Variants in AGTPBP1 observed in about 807,000 individuals in gnomAD.
The protein encoded by AGTPBP1 is ATP/GTP binding carboxypeptidase 1, also known as cytosolic carboxypeptidase 1.
In AGTPBP1, 70 loss-of-function variants were observed where a neutral mutation model predicts 143.9. The ratio of observed to expected loss-of-function variants is 0.49; its 90% CI spans 0.40 to 0.59. The LOEUF is 0.59. Among genes scored for constraint, AGTPBP1 ranks in the 20% least tolerant of loss-of-function variants. AGTPBP1 has a pLI of 0.00. For synonymous variants in AGTPBP1, 463 were observed against 500.2 expected (o/e 0.93, Z 0.99); for missense variants, 1,229 against 1,464.5 (o/e 0.84, Z 2.62).
intron 17 of AGTPBP1, among the ~76,000 whole-genome samples, chr9:85,599,109 G>GC (rs1829488636): frequency 4.5e-5 from 4 of 88,090 alleles, no homozygotes; most frequent in Admixed American, 2.2e-4. Context: ...CCTTGTCACT[G>GC]AACACACACA....
intron 1 of AGTPBP1, among the ~76,000 whole-genome samples, chr9:85,737,055 G>C (rs1012563240): frequency 1.2e-4 from 18 of 152,220 alleles, no homozygotes; most frequent in African/African-American, 4.1e-4. Context: ...GCAGTGAGCA[G>C]AGATTGCACC....
Position 85,586,957 on chromosome 9 carries a change from AT to A in AGTPBP1, c.2906del (p.His969LeufsTer5). ...AATCCTCTCCACTTAAAGAACAGCG[AT>A]GACTACATGTACATAAACACAAAGA... Reference protein sequence around the residue: ...LNPDGVINGNHRCSLSGEDLN... With the variant: ...LNPDGVINGNXRCSLSGEDLN... On this transcript the variant is annotated frameshift_variant and splice_region_variant, in exon 22 of 26. Coordinates refer to ENST00000357081, the MANE Select transcript of AGTPBP1 (RefSeq NM_001330701.2). LOFTEE classifies it high-confidence loss of function. 6.2e-7 allele frequency: 1 copy of A among 1,613,782 alleles called. No homozygotes were observed. The highest frequency in any genetic ancestry group is 8.5e-7 in the Non-Finnish European group (1 of 1,179,782).
At chr9:85,683,595 A>G (rs943319237) in intron 3 of AGTPBP1, among the ~76,000 whole-genome samples, 7 of 152,168 alleles carry the variant, frequency 4.6e-5, no homozygotes, top group Non-Finnish European at 1.0e-4. Flanking sequence ...AAATTCTGCC[A>G]CAATCTTGGG....
intron 17 of AGTPBP1, among the ~76,000 whole-genome samples, chr9:85,605,010 C>T (rs185629733): frequency 1.3e-5 from 2 of 152,086 alleles, no homozygotes; most frequent in East Asian, 1.9e-4. Context: ...CTCAAAAGTA[C>T]AAATTTAAGA....
At chr9:85,604,173 CT>C (rs141100259) in intron 17 of AGTPBP1, among the ~76,000 whole-genome samples, 6,258 of 152,222 alleles carry the variant, frequency 0.041, 446 homozygotes, top group African/African-American at 0.14. Flanking sequence ...GGACCCAGTG[CT>C]ATGCTGGCTT....
At chr9:85,760,185 G>C in the AGTPBP1 span, among the ~76,000 whole-genome samples, 1 of 152,122 alleles carries the variant, frequency 6.6e-6, no homozygotes, top group Non-Finnish European at 1.5e-5. Flanking sequence ...AATTCTACCA[G>C]AGGTACAAGG....
intron 17 of AGTPBP1, among the ~76,000 whole-genome samples, chr9:85,604,870 C>G (rs894236307): frequency 6.6e-6 from 1 of 151,920 alleles, no homozygotes; most frequent in African/African-American, 2.4e-5. Context: ...GTCTCAGCGG[C>G]AGAATTGATC....
In AGTPBP1 at chr9:85,548,684, T is replaced by G. The variant is rs576799537; in HGVS notation, c.3504-1398A>C. On this transcript the variant is annotated intron_variant, in intron 25 of 25. Coordinates refer to ENST00000357081, the MANE Select transcript of AGTPBP1 (RefSeq NM_001330701.2). ...GCTTTGGTTTTTTTTTGTTTTTGTTTTTGTTTTTTGAGACAGAGTCTTTCT... is the reference window on the plus strand; with the variant it reads ...GCTTTGGTTTTTTTTTGTTTTTGTTGTTGTTTTTTGAGACAGAGTCTTTCT... Among the ~76,000 whole-genome samples, 341 of 149,988 alleles carry G rather than the reference T, an allele frequency of 2.3e-3. 1 individual carries two copies. The East Asian group carries it at 0.026, about 11-fold the overall frequency.
Position 85,726,229 on chromosome 9 carries a change from C to CAA in AGTPBP1, c.-33-13665_-33-13664dup, listed in dbSNP as rs142765681. ...TGAGTAACAGAACAAGACTCTGTCT[C>CAA]AAAAAAAAAAAAACAAAAAACAAAA... is the stretch of plus-strand genomic sequence containing the variant. On this transcript the variant is annotated intron_variant, in intron 1 of 25. Coordinates refer to ENST00000357081, the MANE Select transcript of AGTPBP1 (RefSeq NM_001330701.2). Among the ~76,000 whole-genome samples the CAA allele has an allele frequency of 1.2e-3, 150 of 123,004 alleles. 2 individuals carry two copies. In the South Asian group the frequency reaches 0.014, roughly 11 times the overall value. 80.7% of individuals were successfully genotyped at this position (123,004 alleles called of 152,430 possible). A position where few individuals can be genotyped will look rare whatever the true frequency, so the allele number is the denominator to read the frequency against.
At chr9:85,626,481 A>G (rs911919184) in intron 14 of AGTPBP1, among the ~76,000 whole-genome samples, 9 of 152,220 alleles carry the variant, frequency 5.9e-5, no homozygotes, top group African/African-American at 2.2e-4. Context: ...TTGGCAAATA[A>G]TTCACAAAAT....
chr9:85,678,964 A>AT (rs1285681922), intron 4 of AGTPBP1, among the ~76,000 whole-genome samples: 3 of 152,168 alleles, frequency 2.0e-5, no homozygotes, highest in Non-Finnish European at 4.4e-5. Context: ...TTATATGGCT[A>AT]TATCACCATT....
rs916975917 is a variant in AGTPBP1, at chr9:85,582,679, C to CA, written c.3165+2783dup. Among the ~76,000 whole-genome samples, 126 of 144,356 alleles carry CA rather than the reference C, an allele frequency of 8.7e-4. 1 individual carries two copies. In the Middle Eastern group the frequency reaches 0.011, roughly 12 times the overall value. 94.7% of individuals were successfully genotyped at this position (144,356 alleles called of 152,430 possible). On this transcript the variant is annotated intron_variant, in intron 23 of 25. Transcript: ENST00000357081. ...TGGGTGACAGAGTGAGACTCCATCTCAAAAAAAAAAGACACTCCATTTATA... is the reference window on the plus strand; with the variant it reads ...TGGGTGACAGAGTGAGACTCCATCTCAAAAAAAAAAAGACACTCCATTTATA...
intron 2 of AGTPBP1, among the ~76,000 whole-genome samples, chr9:85,710,906 T>C (rs1422001705): frequency 6.6e-6 from 1 of 152,168 alleles, no homozygotes; most frequent in Admixed American, 6.5e-5. Flanking sequence ...AGATCCTTTT[T>C]AAAATACAAA....
intron 25 of AGTPBP1, among the ~76,000 whole-genome samples, chr9:85,569,721 G>A (rs962147538): frequency 9.2e-5 from 14 of 152,178 alleles, no homozygotes; most frequent in African/African-American, 2.9e-4. Context: ...ACTCCAGATA[G>A]CTCTGCAGCC....
chr9:85,747,780 A>G, the AGTPBP1 span, among the ~76,000 whole-genome samples: 2 of 152,152 alleles, frequency 1.3e-5, no homozygotes, highest in Non-Finnish European at 2.9e-5. Flanking sequence ...GCCATGAGGA[A>G]CTCCCATATT....
chr9:85,625,899 G>GTTT (rs1332792274), intron 14 of AGTPBP1, among the ~76,000 whole-genome samples: 24 of 66,318 alleles, frequency 3.6e-4, no homozygotes, highest in African/African-American at 1.6e-3. Flanking sequence ...AAAAAACCTA[G>GTTT]TTTTGTTTTT....
intron 6 of AGTPBP1, among the ~76,000 whole-genome samples, chr9:85,674,919 CAG>C (rs1425587334): frequency 1.3e-5 from 2 of 151,984 alleles, no homozygotes; most frequent in African/African-American, 2.4e-5. Flanking sequence ...CTTTTTGAGA[CAG>C]AGTCTCGCTC....
At chr9:85,651,613 C>T (rs1222845874) in intron 11 of AGTPBP1, among the ~76,000 whole-genome samples, 4 of 152,174 alleles carry the variant, frequency 2.6e-5, no homozygotes, top group African/African-American at 9.7e-5. Flanking sequence ...ATCTGACTGG[C>T]TGGAGTAATA....
At chr9:85,658,035 TAGA>T (rs1833638133) in intron 9 of AGTPBP1, among the ~76,000 whole-genome samples, 1 of 152,170 alleles carries the variant, frequency 6.6e-6, no homozygotes, top group Non-Finnish European at 1.5e-5. Flanking sequence ...ATGTGATTTT[TAGA>T]AGATCTGCTA....
Sources: gnomAD v4.1 joint callset for allele counts (sites outside exome capture counted in the v4.1 genomes callset) on GRCh38, gnomAD v4.1.1 for gene constraint, MANE v1.5 for transcripts, NCBI Gene and HGNC (gene_info 2026-07-23, HGNC 2026-07-21) for gene names.